The following CNTN5 variants were observed in gnomAD, a reference collection of about 807,000 sequenced individuals.
The protein encoded by CNTN5 is contactin-5.
Under a neutral mutation model 129.1 loss-of-function variants are expected in CNTN5, and 77 were observed. The ratio of observed to expected loss-of-function variants is 0.60; its 90% CI spans 0.50 to 0.72. CNTN5 has a LOEUF of 0.72. Ranked by LOEUF, CNTN5 falls within the 30% of genes least tolerant of loss-of-function variation. The pLI, the probability that CNTN5 is intolerant of heterozygous loss-of-function variation, is 0.00. For missense variants in CNTN5, 1,478 were observed against 1,328.8 expected, an observed-to-expected ratio of 1.11 and a Z score of -1.75; for synonymous variants, 509 against 465.6, an observed-to-expected ratio of 1.09 and a Z score of -1.20.
At chr11:99,951,314 A>T (rs1950669574) in intron 7 of CNTN5, among the ~76,000 whole-genome samples, 1 of 151,636 alleles carries the variant, frequency 6.6e-6, no homozygotes, top group Admixed American at 6.6e-5. Flanking sequence ...GTAAACTCTT[A>T]TGCTAATTTT....
intron 4 of CNTN5, among the ~76,000 whole-genome samples, chr11:99,834,025 T>G (rs1802419013): frequency 6.6e-6 from 1 of 152,198 alleles, no homozygotes; most frequent in South Asian, 2.1e-4. Context: ...TGAGTGAAAA[T>G]TCTCTTCATA....
intron 6 of CNTN5, among the ~76,000 whole-genome samples, chr11:99,899,577 A>G (rs1422788104): frequency 6.6e-6 from 1 of 152,034 alleles, no homozygotes; most frequent in East Asian, 1.9e-4. Context: ...AGCGAAGCAC[A>G]TTTGATCATG....
chr11:99,278,003 G>A (rs1266007902), intron 1 of CNTN5, among the ~76,000 whole-genome samples: 3 of 151,588 alleles, frequency 2.0e-5, no homozygotes, highest in Admixed American at 6.6e-5. Flanking sequence ...ACTGGAGCAC[G>A]GGTTTCAAAT....
At chr11:99,346,424 C>T (rs1404614591) in intron 2 of CNTN5, among the ~76,000 whole-genome samples, 1 of 152,216 alleles carries the variant, frequency 6.6e-6, no homozygotes, top group African/African-American at 2.4e-5. Context: ...AGGCCTTGAT[C>T]TCCTCAGGCC....
intron 6 of CNTN5, among the ~76,000 whole-genome samples, chr11:99,892,729 G>C (rs1431946590): frequency 2.0e-5 from 3 of 152,234 alleles, no homozygotes; most frequent in African/African-American, 7.2e-5. Flanking sequence ...TGTTACTGTA[G>C]CCTTGTAGTA....
At chr11:99,788,045 GGC>G (rs1336454250) in intron 3 of CNTN5, among the ~76,000 whole-genome samples, 2 of 151,666 alleles carry the variant, frequency 1.3e-5, no homozygotes, top group Non-Finnish European at 2.9e-5. Context: ...TTGTGTTCTT[GGC>G]ACCCCTCACA....
chr11:99,104,883 A>G (rs543729836), intron 1 of CNTN5, among the ~76,000 whole-genome samples: 1 of 152,306 alleles, frequency 6.6e-6, no homozygotes, highest in Non-Finnish European at 1.5e-5. Context: ...TACTAAAATT[A>G]ATGATTAACA....
intron 3 of CNTN5, among the ~76,000 whole-genome samples, chr11:99,701,822 A>T (rs1954533587): frequency 6.6e-6 from 1 of 151,064 alleles, no homozygotes; most frequent in Admixed American, 6.6e-5. Flanking sequence ...TGATTCATAG[A>T]TTCTGCTGCC....
chr11:100,029,006 G>A (rs1468346339), intron 9 of CNTN5, among the ~76,000 whole-genome samples: 1 of 152,008 alleles, frequency 6.6e-6, no homozygotes, highest in East Asian at 1.9e-4. Flanking sequence ...CTAAGAAAAT[G>A]CCCGGAGGCC....
chr11:100,251,931 A>C (rs1039669481), intron 16 of CNTN5, among the ~76,000 whole-genome samples: 1 of 152,110 alleles, frequency 6.6e-6, no homozygotes, highest in African/African-American at 2.4e-5. Context: ...GGATACATGC[A>C]TAATAGTGGA....
intron 3 of CNTN5, among the ~76,000 whole-genome samples, chr11:99,644,585 A>G (rs945771761): frequency 5.3e-5 from 8 of 152,186 alleles, no homozygotes; most frequent in Admixed American, 1.3e-4. Context: ...AAATCCTTAA[A>G]AATATGTTGT....
chr11:100,304,287 TTG>T (rs1302890265), intron 20 of CNTN5, among the ~76,000 whole-genome samples: 2 of 151,692 alleles, frequency 1.3e-5, no homozygotes, highest in African/African-American at 4.8e-5. Context: ...CTCTAAGTCT[TTG>T]ATTCCACTAG....
chr11:100,250,344 T>C (rs1215805679), intron 16 of CNTN5, among the ~76,000 whole-genome samples: 1 of 152,144 alleles, frequency 6.6e-6, no homozygotes, highest in Non-Finnish European at 1.5e-5. Context: ...ACACTCAAAA[T>C]ATAACTCCTC....
chr11:99,218,300 T>C (rs1210396032), intron 1 of CNTN5, among the ~76,000 whole-genome samples: 2 of 152,162 alleles, frequency 1.3e-5, no homozygotes, highest in Non-Finnish European at 2.9e-5. Flanking sequence ...TTTTGACCTC[T>C]AAATTTTAAG....
At chr11:99,303,416 A>C (rs11219282) in intron 1 of CNTN5, among the ~76,000 whole-genome samples, 7,897 of 151,620 alleles carry the variant, frequency 0.052, 669 homozygotes, top group African/African-American at 0.18. Context: ...TTAGTATTAC[A>C]GATTTGAGAC....
chr11:100,301,922 A>C (rs1471701149), intron 20 of CNTN5, among the ~76,000 whole-genome samples: 1 of 151,668 alleles, frequency 6.6e-6, no homozygotes, highest in Non-Finnish European at 1.5e-5. Flanking sequence ...CTATAATCCC[A>C]ACACATTGGG....
chr11:100,130,979 T>C (rs930969240), intron 13 of CNTN5, among the ~76,000 whole-genome samples: 1 of 152,152 alleles, frequency 6.6e-6, no homozygotes, highest in Non-Finnish European at 1.5e-5. Context: ...GTTGATCGGT[T>C]GTTATGTAAC....
intron 9 of CNTN5, among the ~76,000 whole-genome samples, chr11:100,060,700 C>T (rs897884165): frequency 5.5e-5 from 8 of 146,234 alleles, no homozygotes; most frequent in African/African-American, 1.8e-4. Flanking sequence ...AGTGCAGTGG[C>T]GCGATCTCGG....
intron 8 of CNTN5, among the ~76,000 whole-genome samples, chr11:99,968,113 C>G (rs1335347577): frequency 6.6e-6 from 1 of 151,930 alleles, no homozygotes; most frequent in Non-Finnish European, 1.5e-5. Context: ...TCTTTCAGTC[C>G]ATGTGGGATC....
Sources: gnomAD v4.1 joint callset for allele counts (sites outside exome capture counted in the v4.1 genomes callset) on GRCh38, gnomAD v4.1.1 for gene constraint, MANE v1.5 for transcripts, NCBI Gene and HGNC (gene_info 2026-07-23, HGNC 2026-07-21) for gene names.